CHLSN: variants seen among roughly 807,000 people sequenced by gnomAD.
CHLSN encodes protein cholesin.
At chr7:1,047,672 G>A in the CHLSN span, among the ~76,000 whole-genome samples, 1 of 152,266 alleles carries the variant, frequency 6.6e-6, no homozygotes, top group Non-Finnish European at 1.5e-5. Context: ...GGCAGGTTCG[G>A]CCAGGAGCTG....
the CHLSN span, among the ~76,000 whole-genome samples, chr7:1,030,491 G>A: frequency 6.6e-6 from 1 of 152,144 alleles, no homozygotes; most frequent in African/African-American, 2.4e-5. Context: ...AGGACCCAGG[G>A]GCTTCACTCC....
the CHLSN span, chr7:1,058,395 C>A: frequency 2.6e-6 from 2 of 780,730 alleles, no homozygotes; most frequent in Non-Finnish European, 4.8e-6. Flanking sequence ...TGTGACACCA[C>A]TTCTCTACCG....
the CHLSN span, among the ~76,000 whole-genome samples, chr7:1,017,507 G>A: frequency 7.9e-5 from 12 of 152,310 alleles, no homozygotes; most frequent in Non-Finnish European, 1.6e-4. Context: ...CTCCAGTGTC[G>A]CTGCCATCGG....
At chr7:1,068,598 C>T in the CHLSN span, among the ~76,000 whole-genome samples, 36 of 152,304 alleles carry the variant, frequency 2.4e-4, no homozygotes, top group African/African-American at 7.7e-4. Context: ...AGACCAGGCC[C>T]CTGCCTGGGT....
At chr7:1,075,737 C>A in the CHLSN span, among the ~76,000 whole-genome samples, 1 of 151,004 alleles carries the variant, frequency 6.6e-6, no homozygotes, top group South Asian at 2.1e-4. Flanking sequence ...CTCAGCCTCC[C>A]GAGTAGCTGG....
the CHLSN span, among the ~76,000 whole-genome samples, chr7:1,068,197 G>A: frequency 6.6e-6 from 1 of 152,140 alleles, no homozygotes; most frequent in Non-Finnish European, 1.5e-5. Flanking sequence ...TCAGAACAGG[G>A]CCCCTCAGCG....
the CHLSN span, among the ~76,000 whole-genome samples, chr7:1,053,656 T>C: frequency 0.012 from 1,889 of 152,170 alleles, 39 homozygotes; most frequent in African/African-American, 0.033. Context: ...GGAGAAACCT[T>C]GTCTCTACTG....
chr7:985,461 C>T, the CHLSN span: 2 of 1,016,654 alleles, frequency 2.0e-6, no homozygotes, highest in Non-Finnish European at 2.8e-6. Flanking sequence ...GATGCAAGGG[C>T]CTGAATCAGG....
At chr7:1,101,648 C>T in the CHLSN span, among the ~76,000 whole-genome samples, 2 of 152,246 alleles carry the variant, frequency 1.3e-5, no homozygotes, top group African/African-American at 2.4e-5. Context: ...TGGACCGTCC[C>T]GTGTCCCAGC....
At chr7:1,058,274 G>T in the CHLSN span, 1 of 772,796 alleles carries the variant, frequency 1.3e-6, no homozygotes. Context: ...ATCTGATCCT[G>T]CTGGGGCACA....
chr7:1,040,108 C>T, the CHLSN span, among the ~76,000 whole-genome samples: 8 of 121,322 alleles, frequency 6.6e-5, no homozygotes, highest in East Asian at 1.6e-3. Flanking sequence ...GACCTTCCCT[C>T]CACTATTGTC....
chr7:1,039,402 C>A, the CHLSN span, among the ~76,000 whole-genome samples: 2 of 58,632 alleles, frequency 3.4e-5, no homozygotes, highest in African/African-American at 1.5e-4. Context: ...CCGCCCCGTC[C>A]GGGAGGGAGG....
chr7:984,950 G>A, the CHLSN span: 1 of 1,597,556 alleles, frequency 6.3e-7, no homozygotes, highest in South Asian at 1.1e-5. Flanking sequence ...CTGCCTACAG[G>A]CATCTTCTTC....
At chr7:1,109,964 C>G in the CHLSN span, among the ~76,000 whole-genome samples, 2 of 152,218 alleles carry the variant, frequency 1.3e-5, no homozygotes, top group Non-Finnish European at 2.9e-5. Context: ...CTCGCCGGGC[C>G]GTGGGCTGCG....
the CHLSN span, among the ~76,000 whole-genome samples, chr7:978,062 T>C: frequency 0.019 from 2,943 of 152,324 alleles, 133 homozygotes; most frequent in East Asian, 0.21. Context: ...CCGTTGGGGC[T>C]GCCCTAAGCC....
At chr7:1,083,221 G>A in the CHLSN span, among the ~76,000 whole-genome samples, 1 of 152,256 alleles carries the variant, frequency 6.6e-6, no homozygotes, top group African/African-American at 2.4e-5. Context: ...CCAATGCCTT[G>A]TAGGCCAGCA....
At chr7:1,107,891 A>T in the CHLSN span, among the ~76,000 whole-genome samples, 2 of 137,776 alleles carry the variant, frequency 1.5e-5, no homozygotes, top group African/African-American at 5.8e-5. Flanking sequence ...GGAGACCCGC[A>T]CCCCGGGAGG....
chr7:1,075,761 C>T, the CHLSN span, among the ~76,000 whole-genome samples: 2 of 151,552 alleles, frequency 1.3e-5, no homozygotes, highest in African/African-American at 4.8e-5. Context: ...TACAGGTGCC[C>T]GCCACCACTC....
At chr7:993,309 G>A in the CHLSN span, among the ~76,000 whole-genome samples, 13 of 152,222 alleles carry the variant, frequency 8.5e-5, no homozygotes, top group Admixed American at 1.3e-4. Flanking sequence ...ACTGTGACTG[G>A]AGCAAGAGCC....
Sources: allele counts gnomAD v4.1 joint callset (sites outside exome capture counted in the v4.1 genomes callset), GRCh38; gene constraint gnomAD v4.1.1; transcripts MANE v1.5; gene names NCBI Gene and HGNC (gene_info 2026-07-23, HGNC 2026-07-21).